The following DNAH14 variants were observed in gnomAD, a reference collection of about 807,000 sequenced individuals.
DNAH14 encodes axonemal beta dynein heavy chain 14.
In DNAH14, 478 loss-of-function variants were observed where a neutral mutation model predicts 520.9. That is an observed-to-expected ratio of 0.92 (90% CI 0.85 to 0.99). The LOEUF is 0.99. Ranked by LOEUF, DNAH14 falls within the 50% of genes least tolerant of loss-of-function variation. The pLI is 0.00. For missense variants in DNAH14, 4,831 were observed against 5,234.5 expected (o/e 0.92, Z 2.38); for synonymous variants, 1,581 against 1,757.2 (o/e 0.90, Z 2.51).
At chr1:225,349,440 T>C (rs1254083644) in intron 71 of DNAH14, among the ~76,000 whole-genome samples, 2 of 152,132 alleles carry the variant, frequency 1.3e-5, no homozygotes, top group Admixed American at 6.6e-5. Context: ...ATGGCAATAG[T>C]AATTCCTTCC....
chr1:225,395,534 G>T (rs2095997243), intron 84 of DNAH14, among the ~76,000 whole-genome samples: 1 of 149,806 alleles, frequency 6.7e-6, no homozygotes, highest in Non-Finnish European at 1.5e-5. Flanking sequence ...GGAGCTTGCA[G>T]TGAGCAGAGA....
intron 46 of DNAH14, among the ~76,000 whole-genome samples, chr1:225,262,529 A>T (rs1475565389): frequency 6.6e-6 from 1 of 152,100 alleles, no homozygotes; most frequent in Non-Finnish European, 1.5e-5. Flanking sequence ...ACACAGTAAG[A>T]GATAAGAATC....
intron 84 of DNAH14, 151 bp from the exon 85 acceptor site, chr1:225,398,369 G>A: frequency 1.1e-6 from 1 of 943,516 alleles, no homozygotes; most frequent in Non-Finnish European, 1.5e-6. Context: ...CTCAGAATAG[G>A]AAAAAAAATA....
chr1:225,058,708 C>T (rs145060935), intron 17 of DNAH14, among the ~76,000 whole-genome samples: 26 of 152,200 alleles, frequency 1.7e-4, no homozygotes, highest in East Asian at 3.9e-4. Context: ...TTGAATGTTT[C>T]GCAGAGATTC....
At chr1:225,333,660 A>T (rs1218221869) in intron 66 of DNAH14, among the ~76,000 whole-genome samples, 154 bp downstream of exon 66, 5 of 152,174 alleles carry the variant, frequency 3.3e-5, no homozygotes, top group African/African-American at 1.2e-4. Flanking sequence ...CGATTTTTTA[A>T]TTTATAGCCC....
intron 69 of DNAH14, among the ~76,000 whole-genome samples, chr1:225,343,055 G>C (rs981330125): frequency 1.3e-5 from 2 of 152,114 alleles, no homozygotes; most frequent in African/African-American, 4.8e-5. Flanking sequence ...AATTTAAGCC[G>C]TTCCCACATT....
At chr1:225,120,624 A>C (rs2077211791) in intron 26 of DNAH14, among the ~76,000 whole-genome samples, 1 of 152,224 alleles carries the variant, frequency 6.6e-6, no homozygotes, top group African/African-American at 2.4e-5. Flanking sequence ...GGTTAGAAGC[A>C]AGATGAAGTT....
chr1:225,036,619 G>A (rs1046238613), intron 11 of DNAH14, among the ~76,000 whole-genome samples: 11 of 152,154 alleles, frequency 7.2e-5, no homozygotes, highest in African/African-American at 2.7e-4. Flanking sequence ...CACCTGAAGG[G>A]AAAGGAATAT....
intron 31 of DNAH14, among the ~76,000 whole-genome samples, chr1:225,149,537 A>G (rs553785700): frequency 6.6e-6 from 1 of 152,308 alleles, no homozygotes; most frequent in Admixed American, 6.5e-5. Flanking sequence ...TGGTCATTTT[A>G]GCAATATTGA....
rs569204346 is a variant in DNAH14, at chr1:225,032,799, T to C, written c.1359-5895T>C. On this transcript the variant is annotated intron_variant, in intron 11 of 85. Coordinates refer to ENST00000682510, the MANE Select transcript of DNAH14 (RefSeq NM_001367479.1). ...CTGACTGGAGTGAGATGGTATCTTA[T>C]TGTGGTTTTGATTTGCATTTTTCTA... is the stretch of plus-strand genomic sequence containing the variant. Among the ~76,000 whole-genome samples, 5 of 152,298 alleles carry C rather than the reference T, an allele frequency of 3.3e-5. No individual in the cohort carries two copies. The East Asian group carries it at 5.8e-4, about 18-fold the overall frequency.
chr1:225,363,974 T>C (rs950304260), intron 75 of DNAH14, among the ~76,000 whole-genome samples: 3 of 152,214 alleles, frequency 2.0e-5, no homozygotes, highest in Non-Finnish European at 2.9e-5. Context: ...GTTGAATCCA[T>C]GGATGTGGAA....
intron 11 of DNAH14, among the ~76,000 whole-genome samples, chr1:225,027,548 C>T (rs774701132): frequency 2.0e-5 from 3 of 152,038 alleles, no homozygotes; most frequent in Non-Finnish European, 4.4e-5. Flanking sequence ...GTCTGGGAGG[C>T]CTCAGGAAAC....
chr1:224,951,481 T>C (rs995128467), intron 1 of DNAH14, among the ~76,000 whole-genome samples: 5 of 152,022 alleles, frequency 3.3e-5, no homozygotes, highest in Non-Finnish European at 5.9e-5. Flanking sequence ...CAAAGTTGTA[T>C]CCTTCAGTTA....
Position 225,152,743 on chromosome 1 carries a change from C to A in DNAH14, c.5056C>A (p.Arg1686Ser). The A allele has an allele frequency of 6.4e-7, 1 of 1,551,180 alleles. No individual in the cohort carries two copies. The highest frequency in any genetic ancestry group is 8.7e-7 in the Non-Finnish European group (1 of 1,146,756). The change falls in exon 33 of 86, where the codon CGC becomes AGC. Residue 1686 changes from arginine to serine, a missense_variant. Arg to Ser is a moderately radical substitution (Grantham distance 110). Transcript: ENST00000682510. Reference sequence around the variant, plus strand: ...CCCAGATAACTTAAAATCTCTGTTTCGCCCAGTGGCAATGATGGTGCCCCA... The same window carrying A: ...CCCAGATAACTTAAAATCTCTGTTTAGCCCAGTGGCAATGATGGTGCCCCA... ...ELPDNLKSLF[R>S]PVAMMVPHYQ... is the part of the protein sequence containing the mutation.
chr1:224,978,043 ACT>A (rs1365524753), intron 8 of DNAH14, among the ~76,000 whole-genome samples: 1 of 152,168 alleles, frequency 6.6e-6, no homozygotes, highest in East Asian at 1.9e-4. Context: ...AGAAAAGATA[ACT>A]CTTATACACT....
In DNAH14 at chr1:225,112,023, T is replaced by G. The variant is rs868564048; in HGVS notation, c.3868-5661T>G. 6.1e-4 allele frequency among the ~76,000 whole-genome samples: 93 copies of G among 152,258 alleles called. No homozygotes were observed. In the Middle Eastern group the frequency reaches 0.01, roughly 17 times the overall value. On this transcript the variant is annotated intron_variant, in intron 23 of 85. Transcript: ENST00000682510. ...TATGTCTTGAAAAGTTGTTCTAGTT[T>G]TTTTTATTACTTTGTCTTTTAGCCT...
intron 41 of DNAH14, among the ~76,000 whole-genome samples, chr1:225,210,014 A>G (rs1336749945): frequency 1.3e-5 from 2 of 152,098 alleles, no homozygotes; most frequent in African/African-American, 4.8e-5. Flanking sequence ...GCAGACCAGG[A>G]GATTCCCTTG....
chr1:225,155,024 A>G (rs545998742), intron 34 of DNAH14, among the ~76,000 whole-genome samples: 2 of 152,238 alleles, frequency 1.3e-5, no homozygotes, highest in South Asian at 4.1e-4. Flanking sequence ...CCTTAAATAT[A>G]TGAAAATACA....
At chr1:225,062,204 G>A (rs2070241746) in intron 17 of DNAH14, among the ~76,000 whole-genome samples, 1 of 152,126 alleles carries the variant, frequency 6.6e-6, no homozygotes, top group Admixed American at 6.6e-5. Flanking sequence ...AGGAGACTGA[G>A]GTGTGAGGAT....
Sources: gnomAD v4.1 joint callset for allele counts (sites outside exome capture counted in the v4.1 genomes callset) on GRCh38, gnomAD v4.1.1 for gene constraint, MANE v1.5 for transcripts, NCBI Gene and HGNC (gene_info 2026-07-23, HGNC 2026-07-21) for gene names.